The following SLC24A2 variants were observed in gnomAD, a reference collection of about 807,000 sequenced individuals.
SLC24A2 encodes sodium/potassium/calcium exchanger 2.
SLC24A2 carries 36 observed loss-of-function variants against 62.0 expected under a neutral mutation model. The observed-to-expected ratio is 0.58, with a 90% CI of 0.44 to 0.77. SLC24A2 has a LOEUF of 0.77. SLC24A2 is among the 30% of genes least tolerant of loss of function. SLC24A2 has a pLI of 0.00. For synonymous variants in SLC24A2, 358 were observed against 294.0 expected (o/e 1.22, Z -2.23); for missense variants, 846 against 817.9 (o/e 1.03, Z -0.42).
rs7022987 is a variant in SLC24A2, at chr9:19,514,309, C to T, written c.*1844G>A. Reference sequence around the variant, plus strand: ...GTATGTGCTCACAACAAAATCATAGCAGGCGTCAATGACAGAATAGATTGG... The same window carrying T: ...GTATGTGCTCACAACAAAATCATAGTAGGCGTCAATGACAGAATAGATTGG... On this transcript the variant is annotated 3_prime_UTR_variant, in exon 11 of 11. Coordinates refer to ENST00000341998, the MANE Select transcript of SLC24A2 (RefSeq NM_020344.4). The T allele has an allele frequency of 0.27, 41,143 of 151,988 alleles. 5,650 individuals are homozygous for T. Among genetic ancestry groups the T allele is most frequent in the Middle Eastern group, 0.39 (115 of 294 alleles). 9.4% of individuals were successfully genotyped at this position (151,988 alleles called of 1,614,324 possible). A position where few individuals can be genotyped will look rare whatever the true frequency, so the allele number is the denominator to read the frequency against.
chr9:20,212,067 T>C, the SLC24A2 span, among the ~76,000 whole-genome samples: 1 of 151,926 alleles, frequency 6.6e-6, no homozygotes, highest in Non-Finnish European at 1.5e-5. Flanking sequence ...ACTTCCCTAT[T>C]ACAAAAGAAT....
chr9:20,135,707 T>C, the SLC24A2 span, among the ~76,000 whole-genome samples: 1 of 152,138 alleles, frequency 6.6e-6, no homozygotes, highest in South Asian at 2.1e-4. Context: ...AAAAATTATG[T>C]GCTCGAACTA....
the SLC24A2 span, among the ~76,000 whole-genome samples, chr9:20,276,570 A>G: frequency 6.6e-6 from 1 of 152,120 alleles, no homozygotes; most frequent in Non-Finnish European, 1.5e-5. Flanking sequence ...GGTCTGGATG[A>G]TGGTGTCCCT....
the SLC24A2 span, among the ~76,000 whole-genome samples, chr9:20,265,365 C>T: frequency 6.6e-6 from 1 of 152,194 alleles, no homozygotes; most frequent in Non-Finnish European, 1.5e-5. Flanking sequence ...CAGCTGAAAC[C>T]ATGGCGGAAG....
chr9:19,593,255 C>A (rs1250228564), intron 5 of SLC24A2, among the ~76,000 whole-genome samples: 1 of 152,210 alleles, frequency 6.6e-6, no homozygotes, highest in East Asian at 1.9e-4. Flanking sequence ...GTCATGAGTT[C>A]TTTAGGAGAA....
chr9:20,159,818 T>C, the SLC24A2 span, among the ~76,000 whole-genome samples: 3 of 151,586 alleles, frequency 2.0e-5, no homozygotes, highest in Non-Finnish European at 4.4e-5. Flanking sequence ...TTTGGTATTT[T>C]GTATTTGATA....
chr9:19,533,555 C>A (rs1392954882), intron 8 of SLC24A2, among the ~76,000 whole-genome samples: 3 of 152,200 alleles, frequency 2.0e-5, no homozygotes, highest in African/African-American at 7.2e-5. Context: ...GCTCTCGGCA[C>A]TTTGCCATTA....
chr9:20,130,548 C>A, the SLC24A2 span, among the ~76,000 whole-genome samples: 1 of 151,622 alleles, frequency 6.6e-6, no homozygotes, highest in Non-Finnish European at 1.5e-5. Flanking sequence ...GCTAGATTAG[C>A]TGAAGCAGAA....
chr9:20,259,539 A>C, the SLC24A2 span, among the ~76,000 whole-genome samples: 1 of 152,142 alleles, frequency 6.6e-6, no homozygotes, highest in East Asian at 1.9e-4. Context: ...ACCCCTTGGA[A>C]GCTCCTCAAA....
the SLC24A2 span, among the ~76,000 whole-genome samples, chr9:20,247,839 G>T: frequency 6.6e-6 from 1 of 152,150 alleles, no homozygotes; most frequent in African/African-American, 2.4e-5. Context: ...TATTTACTGT[G>T]CAAACTTAGG....
chr9:20,068,611 T>C, the SLC24A2 span, among the ~76,000 whole-genome samples: 89 of 152,276 alleles, frequency 5.8e-4, 1 homozygote, highest in African/African-American at 2.0e-3. Flanking sequence ...GATGCTTATA[T>C]TGCCATAAAT....
At chr9:19,921,815 C>T in the SLC24A2 span, among the ~76,000 whole-genome samples, 6 of 152,104 alleles carry the variant, frequency 3.9e-5, no homozygotes, top group Admixed American at 3.9e-4. Flanking sequence ...CCAAGCCCTG[C>T]TGGCAATTCA....
At chr9:20,022,642 TC>T in the SLC24A2 span, among the ~76,000 whole-genome samples, 1 of 152,196 alleles carries the variant, frequency 6.6e-6, no homozygotes, top group Non-Finnish European at 1.5e-5. Flanking sequence ...AAAGAAAAGA[TC>T]TCTGCTGCTT....
chr9:19,619,814 C>G (rs1029639352), intron 3 of SLC24A2, 122 bp from the exon 4 acceptor site: 1 of 744,918 alleles, frequency 1.3e-6, no homozygotes, highest in East Asian at 2.6e-5. Flanking sequence ...AGTATTGAGC[C>G]AAAGATTTTC....
At position 19,786,769 on chromosome 9, in the gene SLC24A2, T is replaced by C. The variant is rs113482298; in HGVS notation, c.98A>G (p.Lys33Arg). The stretch of plus-strand genomic sequence containing the variant: ...GCCTAAGACTCGAATTAACTTCAGT[T>C]TTTTCTTGACACTATAATGTCTTCT... ...GCRRHYSVKK[K>R]LKLIRVLGLF... The change falls in exon 2 of 11, where the codon AAA becomes AGA. Residue 33 changes from lysine (K) to arginine (R), a missense_variant. Lys to Arg is a conservative substitution (Grantham distance 26, BLOSUM62 2). Coordinates refer to ENST00000341998, the MANE Select transcript of SLC24A2 (RefSeq NM_020344.4). This position sits in a 1 kb window ranked among gnomAD's most constrained non-coding sequence, Gnocchi z 5.0. 388 of 1,601,838 alleles carry C rather than the reference T, an allele frequency of 2.4e-4. 2 individuals are homozygous for C. In the African/African-American group the frequency reaches 4.3e-3, roughly 18 times the overall value.
rs533387295 is a variant in SLC24A2 at position 19,543,023 on chromosome 9, C to T, written c.1479+7114G>A. Reference sequence around the variant, plus strand: ...TTCAGAAGGAATGGTACCAGCTCCTCTTTGTACCTCTGGTAGAATTTGGCA... The same window carrying T: ...TTCAGAAGGAATGGTACCAGCTCCTTTTTGTACCTCTGGTAGAATTTGGCA... On this transcript the variant is annotated intron_variant, in intron 8 of 10. Coordinates refer to ENST00000341998, the MANE Select transcript of SLC24A2 (RefSeq NM_020344.4). Among the ~76,000 whole-genome samples the T allele has an allele frequency of 2.0e-4, 30 of 152,288 alleles. No individual in the cohort carries two copies. In the South Asian group the frequency reaches 4.6e-3, roughly 23 times the overall value.
chr9:19,624,299 C>CA (rs1247062801), intron 2 of SLC24A2, among the ~76,000 whole-genome samples: 1 of 152,046 alleles, frequency 6.6e-6, no homozygotes, highest in Non-Finnish European at 1.5e-5. Context: ...GAATTGATAC[C>CA]ACAGTGTTGA....
intron 2 of SLC24A2, among the ~76,000 whole-genome samples, chr9:19,783,300 A>G (rs975385033): frequency 6.6e-6 from 1 of 152,330 alleles, no homozygotes; most frequent in Admixed American, 6.5e-5. Context: ...CCCATGTCCC[A>G]TAATTTTGCA....
At chr9:20,105,038 G>T in the SLC24A2 span, among the ~76,000 whole-genome samples, 1 of 152,008 alleles carries the variant, frequency 6.6e-6, no homozygotes. Flanking sequence ...AAAAGGTAGG[G>T]GTTGCAATCC....
Sources: allele counts gnomAD v4.1 joint callset (sites outside exome capture counted in the v4.1 genomes callset), GRCh38; gene constraint gnomAD v4.1.1; non-coding constraint Gnocchi (gnomAD v3.1); transcripts MANE v1.5; gene names NCBI Gene and HGNC (gene_info 2026-07-23, HGNC 2026-07-21).